Variants in AUTS2 observed in about 807,000 individuals in gnomAD.
AUTS2 encodes the protein autism susceptibility gene 2 protein.
AUTS2 carries 17 observed loss-of-function variants against 112.4 expected under a neutral mutation model. The ratio of observed to expected loss-of-function variants is 0.15; its 90% CI spans 0.10 to 0.23. The LOEUF (loss-of-function observed/expected upper bound fraction) is 0.23. Ranked by LOEUF, AUTS2 falls within the 10% of genes least tolerant of loss-of-function variation. The probability of loss-of-function intolerance (pLI) is 1.00; values close to 1 mark genes in which losing one functional copy is unlikely to be tolerated. For missense variants in AUTS2, 1,510 were observed against 1,701.6 expected, an observed-to-expected ratio of 0.89 and a Z score of 1.98; for synonymous variants, 751 against 702.7, an observed-to-expected ratio of 1.07 and a Z score of -1.09.
chr7:70,570,845 C>T (rs1437386230), intron 5 of AUTS2, among the ~76,000 whole-genome samples: 1 of 152,132 alleles, frequency 6.6e-6, no homozygotes, highest in Non-Finnish European at 1.5e-5. Flanking sequence ...GCACAGTTTC[C>T]TTAGTGTACA....
chr7:69,745,458 C>T (rs1472325744), intron 1 of AUTS2, among the ~76,000 whole-genome samples: 2 of 152,146 alleles, frequency 1.3e-5, no homozygotes, highest in South Asian at 2.1e-4. Flanking sequence ...ACTTTTGCCT[C>T]CTTTGCACTG....
chr7:70,095,387 G>A (rs919171835), intron 2 of AUTS2, among the ~76,000 whole-genome samples: 5 of 152,158 alleles, frequency 3.3e-5, no homozygotes, highest in Middle Eastern at 3.2e-3. Context: ...CTTGGAGCCT[G>A]CCTGATGGTC....
intron 4 of AUTS2, among the ~76,000 whole-genome samples, chr7:70,163,787 C>T (rs1808239645): frequency 2.0e-5 from 3 of 152,164 alleles, no homozygotes; most frequent in Admixed American, 2.0e-4. Context: ...GTATTTCATA[C>T]CCTGAACTGA....
At chr7:69,934,153 T>A (rs182633177) in intron 2 of AUTS2, among the ~76,000 whole-genome samples, 14 of 152,214 alleles carry the variant, frequency 9.2e-5, no homozygotes, top group Admixed American at 5.9e-4. Context: ...TTCAGACTCT[T>A]TTTTTAGAGG....
chr7:70,497,177 GCA>G (rs1246463497), intron 5 of AUTS2, among the ~76,000 whole-genome samples: 5 of 55,270 alleles, frequency 9.0e-5, no homozygotes, highest in African/African-American at 1.5e-4. Flanking sequence ...ACGTACACAG[GCA>G]CACACACACA....
intron 15 of AUTS2, chr7:70,782,024 A>G: frequency 4.6e-6 from 2 of 436,720 alleles, no homozygotes; most frequent in East Asian, 4.5e-5. Context: ...ATATTAAACC[A>G]GTATAACTCA....
intron 2 of AUTS2, among the ~76,000 whole-genome samples, chr7:70,107,460 C>T (rs1432139923): frequency 3.3e-5 from 5 of 149,492 alleles, no homozygotes; most frequent in Admixed American, 2.7e-4. Context: ...TCTCCTGCCT[C>T]AGCCTCCCGA....
At chr7:69,864,087 C>T (rs1423527811) in intron 1 of AUTS2, among the ~76,000 whole-genome samples, 1 of 152,140 alleles carries the variant, frequency 6.6e-6, no homozygotes, top group Non-Finnish European at 1.5e-5. Flanking sequence ...AATGTTTAAA[C>T]CCAAGTACAT....
intron 4 of AUTS2, among the ~76,000 whole-genome samples, chr7:70,181,851 G>A (rs1326816337): frequency 7.4e-6 from 1 of 135,836 alleles, no homozygotes; most frequent in African/African-American, 2.8e-5. Context: ...AGGCTGGAGT[G>A]CAGTGGAATG....
chr7:70,657,219 C>A (rs944799484), intron 5 of AUTS2, among the ~76,000 whole-genome samples: 1 of 151,600 alleles, frequency 6.6e-6, no homozygotes, highest in African/African-American at 2.4e-5. Flanking sequence ...GGGGTTAACC[C>A]GCCGTCTTAA....
At chr7:70,769,426 C>T (rs1039419495) in intron 10 of AUTS2, among the ~76,000 whole-genome samples, 12 of 152,218 alleles carry the variant, frequency 7.9e-5, no homozygotes, top group African/African-American at 2.7e-4. Flanking sequence ...TGGCTCATGC[C>T]TGTAATCCCA....
At chr7:70,117,144 T>C (rs1272981407) in intron 2 of AUTS2, among the ~76,000 whole-genome samples, 2 of 146,716 alleles carry the variant, frequency 1.4e-5, no homozygotes, top group Non-Finnish European at 3.0e-5. Flanking sequence ...TTTGTTTTTT[T>C]TTTTGGTGTA....
At chr7:70,106,489 G>A (rs879679233) in intron 2 of AUTS2, among the ~76,000 whole-genome samples, 1 of 152,164 alleles carries the variant, frequency 6.6e-6, no homozygotes, top group African/African-American at 2.4e-5. Flanking sequence ...GGAGGCCCAG[G>A]TGGAAGGATC....
intron 1 of AUTS2, among the ~76,000 whole-genome samples, chr7:69,878,632 T>C (rs1459182409): frequency 1.3e-5 from 2 of 152,178 alleles, no homozygotes; most frequent in African/African-American, 4.8e-5. Context: ...GCCACATGAC[T>C]CGGAGAGGCA....
chr7:69,697,089 T>G (rs1230019112), intron 1 of AUTS2, among the ~76,000 whole-genome samples: 1 of 152,230 alleles, frequency 6.6e-6, no homozygotes, highest in African/African-American at 2.4e-5. Flanking sequence ...TCTGGAGGGC[T>G]TATTAAAATG....
chr7:69,915,814 C>A (rs1329209103), intron 2 of AUTS2, among the ~76,000 whole-genome samples: 1 of 152,096 alleles, frequency 6.6e-6, no homozygotes, highest in African/African-American at 2.4e-5. Context: ...GTACCCTCTG[C>A]CCCCCGGGCT....
intron 2 of AUTS2, among the ~76,000 whole-genome samples, chr7:70,063,477 C>T (rs1802349311): frequency 6.6e-6 from 1 of 152,140 alleles, no homozygotes; most frequent in South Asian, 2.1e-4. Flanking sequence ...CTTGTGTGAT[C>T]ATGGGCGAGT....
intron 4 of AUTS2, among the ~76,000 whole-genome samples, chr7:70,277,926 TTGTGTGTGTGTG>T (rs35535865): frequency 7.7e-6 from 1 of 129,088 alleles, no homozygotes; most frequent in Non-Finnish European, 1.7e-5. Context: ...CCTTGTGTAT[TTGTGTGTGTGTG>T]TGTGTGTGTG....
intron 2 of AUTS2, among the ~76,000 whole-genome samples, chr7:70,077,712 C>T (rs990054066): frequency 2.6e-5 from 4 of 152,166 alleles, no homozygotes; most frequent in Non-Finnish European, 5.9e-5. Context: ...GTCTGTGGTA[C>T]ACCACACACA....
Sources: gnomAD v4.1 joint callset for allele counts (sites outside exome capture counted in the v4.1 genomes callset) on GRCh38, gnomAD v4.1.1 for gene constraint, MANE v1.5 for transcripts, NCBI Gene and HGNC (gene_info 2026-07-23, HGNC 2026-07-21) for gene names.